The following MAP2K5 variants were observed in gnomAD, a reference collection of about 807,000 sequenced individuals.
The protein encoded by MAP2K5 is mitogen-activated protein kinase kinase 5.
A neutral mutation model predicts 83.1 loss-of-function variants in MAP2K5; 49 were observed. The ratio of observed to expected loss-of-function variants is 0.59; its 90% confidence interval spans 0.47 to 0.75. The LOEUF is 0.75. Ranked by LOEUF, MAP2K5 falls within the 30% of genes least tolerant of loss-of-function variation. The pLI, the probability that MAP2K5 is intolerant of heterozygous loss-of-function variation, is 0.00. For synonymous variants in MAP2K5, 202 were observed against 191.8 expected (o/e 1.05, Z -0.44); for missense variants, 457 against 557.5 (o/e 0.82, Z 1.82).
In MAP2K5 at chr15:67,638,714, C is replaced by T. The variant is rs554043441; in HGVS notation, c.586-7517C>T. Among the ~76,000 whole-genome samples the T allele has an allele frequency of 6.6e-6, 1 of 152,292 alleles. No homozygotes were observed. The highest frequency in any genetic ancestry group is 2.1e-4 in the South Asian group (1 of 4,824). On this transcript the variant is annotated intron_variant, in intron 9 of 21. Coordinates refer to ENST00000178640, the MANE Select transcript of MAP2K5 (RefSeq NM_145160.3). The surrounding 1 kb of genome is among the most constrained non-coding windows in gnomAD (Gnocchi z 4.5). Reference sequence around the variant, plus strand: ...ACAGTATATAAGCATTCCTTTTTCTCCACAACCTTGCCAGCATCTGTTATT... The same window carrying T: ...ACAGTATATAAGCATTCCTTTTTCTTCACAACCTTGCCAGCATCTGTTATT...
At chr15:67,671,115 G>A (rs2141166267) in intron 13 of MAP2K5, among the ~76,000 whole-genome samples, 1 of 152,306 alleles carries the variant, frequency 6.6e-6, no homozygotes, top group East Asian at 1.9e-4. Context: ...CTATGAAAGA[G>A]TAGCTGGATG....
At chr15:67,551,551 T>A (rs1242633901) in intron 2 of MAP2K5, among the ~76,000 whole-genome samples, 1 of 152,148 alleles carries the variant, frequency 6.6e-6, no homozygotes, top group Non-Finnish European at 1.5e-5. Flanking sequence ...CAGGCTAGTC[T>A]TGAACTCCTT....
chr15:67,747,232 G>C lies in MAP2K5; in HGVS notation c.1075-999G>C, dbSNP rs1368810951. Among the ~76,000 whole-genome samples the C allele has an allele frequency of 1.3e-5, 2 of 152,142 alleles. No homozygotes were observed. The highest frequency in any genetic ancestry group is 2.9e-5 in the Non-Finnish European group (2 of 68,018). ...ATCAAATGAGTTTGTATATGGGAAA[G>C]AATTTTTTAAAACACCTTTAAAAAC... On this transcript the variant is annotated intron_variant, in intron 17 of 21. Transcript: ENST00000178640. The surrounding 1 kb of genome is among the most constrained non-coding windows in gnomAD (Gnocchi z 4.1).
intron 17 of MAP2K5, among the ~76,000 whole-genome samples, chr15:67,731,119 G>A (rs1290862778): frequency 6.6e-6 from 1 of 152,206 alleles, no homozygotes; most frequent in Admixed American, 6.5e-5. Context: ...GGTTGTAAAA[G>A]GATGTTCTTA....
At chr15:67,602,096 G>A (rs762740172) in intron 8 of MAP2K5, among the ~76,000 whole-genome samples, 1 of 152,210 alleles carries the variant, frequency 6.6e-6, no homozygotes, top group Non-Finnish European at 1.5e-5. Flanking sequence ...TGTGTCTAAT[G>A]ATTTTTGCGG....
intron 21 of MAP2K5, among the ~76,000 whole-genome samples, chr15:67,800,820 C>A (rs972329254): frequency 1.4e-4 from 21 of 152,028 alleles, no homozygotes; most frequent in African/African-American, 5.1e-4. Flanking sequence ...TTCAAATGAC[C>A]AGTGCACCAC....
In MAP2K5 at chr15:67,588,219, C is replaced by G. The variant is rs562546412; in HGVS notation, c.431+1306C>G. 1.1e-5 allele frequency: 4 copies of G among 380,006 alleles called. No individual in the cohort carries two copies. In the South Asian group the frequency reaches 3.2e-4, roughly 31 times the overall value. 23.5% of individuals were successfully genotyped at this position (380,006 alleles called of 1,614,324 possible). A position where few individuals can be genotyped will look rare whatever the true frequency, so the allele number is the denominator to read the frequency against. On this transcript the variant is annotated intron_variant, in intron 6 of 21. Transcript: ENST00000178640. ...TCTGTACCCCATCCCACCTGACATT[C>G]CAGCTTTGCTGATGAACACATAGTG...
rs535235066 is a variant in MAP2K5, at chr15:67,724,890, G to A, written c.1045-3026G>A. On this transcript the variant is annotated intron_variant, in intron 16 of 21. Coordinates refer to ENST00000178640, the MANE Select transcript of MAP2K5 (RefSeq NM_145160.3). This position sits in a 1 kb window ranked among gnomAD's most constrained non-coding sequence, Gnocchi z 4.4. The stretch of plus-strand genomic sequence containing the variant: ...CCAGTGGTGACACTCTGTAAGAGAG[G>A]AAGTGATTGTCATCATGCTGCAATT... Among the ~76,000 whole-genome samples the A allele has an allele frequency of 5.3e-5, 8 of 152,350 alleles. No individual in the cohort carries two copies. In the East Asian group the frequency reaches 1.5e-3, roughly 29 times the overall value.
chr15:67,580,802 C>A lies in MAP2K5; in HGVS notation c.301C>A (p.Pro101Thr). The A allele has an allele frequency of 6.2e-7, 1 of 1,607,554 alleles. No individual in the cohort carries two copies. The highest frequency in any genetic ancestry group is 8.5e-7 in the Non-Finnish European group (1 of 1,175,282). The change falls in exon 4 of 22, where the codon CCT becomes ACT. Residue 101 changes from proline (P) to threonine (T), a missense_variant. Pro to Thr is a conservative substitution (Grantham distance 38). Transcript: ENST00000178640. The part of the protein sequence containing the change: ...EQQVNGQLIE[P>T]LQIFPRACKP... ...GCAAGTAAATGGACAGTTAATAGAG[C>A]CTCTGCAGATATTTCCAAGAGGTAA...
At position 67,720,373 on chromosome 15, in the gene MAP2K5, C is replaced by T. The variant is rs556839738; in HGVS notation, c.1045-7543C>T. 2.0e-5 allele frequency among the ~76,000 whole-genome samples: 3 copies of T among 151,830 alleles called. No individual in the cohort carries two copies. In the East Asian group the frequency reaches 5.8e-4, roughly 29 times the overall value. On this transcript the variant is annotated intron_variant, in intron 16 of 21. Coordinates refer to ENST00000178640, the MANE Select transcript of MAP2K5 (RefSeq NM_145160.3). This position sits in a 1 kb window ranked among gnomAD's most constrained non-coding sequence, Gnocchi z 5.7. ...CTATATATATACACACTTACACACA[C>T]ACAAGGAAAAAAAGAAAATGATGTA...
rs895893360 is a variant in MAP2K5 at position 67,806,991 on chromosome 15, G to A, written c.*241G>A. 2.0e-6 allele frequency: 3 copies of A among 1,482,630 alleles called. No individual in the cohort carries two copies. In the Admixed American group the frequency reaches 6.7e-5, roughly 33 times the overall value. The allele number at this position is 1,482,630 out of a possible 1,614,324, so 91.8% of individuals were successfully genotyped here. ...TGACACTGGCAGAGAGGTAAAGGGT[G>A]GGGCATTGAGAATGGAGGCTCCCAG... On this transcript the variant is annotated 3_prime_UTR_variant, in exon 22 of 22. Transcript: ENST00000178640.
At chr15:67,554,578 G>A (rs903155154) in intron 2 of MAP2K5, among the ~76,000 whole-genome samples, 8 of 152,160 alleles carry the variant, frequency 5.3e-5, no homozygotes, top group African/African-American at 1.9e-4. Context: ...GAGAAATGGC[G>A]TCTCTTCAAT....
intron 8 of MAP2K5, among the ~76,000 whole-genome samples, chr15:67,610,380 G>T (rs1207065738): frequency 6.6e-6 from 1 of 152,110 alleles, no homozygotes; most frequent in Non-Finnish European, 1.5e-5. Context: ...TAAATGTATG[G>T]TTGTGCTAGC....
chr15:67,794,391 G>A lies in MAP2K5; in HGVS notation c.1243-12255G>A, dbSNP rs1311402389. ...AACAATCAGAATTTTCGAAGAGTTT[G>A]CTTCCTTTTTGTGCATTTCCTTTTT... On this transcript the variant is annotated intron_variant, in intron 21 of 21. Coordinates refer to ENST00000178640, the MANE Select transcript of MAP2K5 (RefSeq NM_145160.3). This position sits in a 1 kb window ranked among gnomAD's most constrained non-coding sequence, Gnocchi z 4.6. Among the ~76,000 whole-genome samples the A allele has an allele frequency of 6.6e-6, 1 of 152,092 alleles. No individual in the cohort carries two copies. The highest frequency in any genetic ancestry group is 1.5e-5 in the Non-Finnish European group (1 of 68,020).
intron 14 of MAP2K5, among the ~76,000 whole-genome samples, chr15:67,693,119 C>G (rs1049036020): frequency 6.6e-6 from 1 of 152,200 alleles, no homozygotes; most frequent in African/African-American, 2.4e-5. Context: ...TGTTATCCCT[C>G]CAGCGTATTT....
At position 67,640,801 on chromosome 15, in the gene MAP2K5, A is replaced by G. The variant is rs1448655999; in HGVS notation, c.586-5430A>G. Among the ~76,000 whole-genome samples the G allele has an allele frequency of 6.6e-6, 1 of 152,246 alleles. No homozygotes were observed. The highest frequency in any genetic ancestry group is 6.5e-5 in the Admixed American group (1 of 15,290). ...TAGACTTCTGAGGTAGGAATATATT[A>G]CAAGATATTTTTAAAAGAAGTTGAA... On this transcript the variant is annotated intron_variant, in intron 9 of 21. Transcript: ENST00000178640. The surrounding 1 kb of genome is among the most constrained non-coding windows in gnomAD (Gnocchi z 4.6).
At chr15:67,767,471 C>CA (rs147617965) in intron 19 of MAP2K5, among the ~76,000 whole-genome samples, 8 of 151,996 alleles carry the variant, frequency 5.3e-5, no homozygotes, top group Non-Finnish European at 1.0e-4. Flanking sequence ...ACTACACCCT[C>CA]AAAAAAAATC....
intron 17 of MAP2K5, among the ~76,000 whole-genome samples, chr15:67,741,957 C>A (rs111636172): frequency 1.3e-5 from 2 of 151,160 alleles, no homozygotes; most frequent in Non-Finnish European, 1.5e-5. Context: ...TGCAGTGGCA[C>A]GATCTCAGCT....
At chr15:67,729,318 C>G (rs971829057) in intron 17 of MAP2K5, among the ~76,000 whole-genome samples, 1 of 152,172 alleles carries the variant, frequency 6.6e-6, no homozygotes, top group Non-Finnish European at 1.5e-5. Context: ...AGTGAACTCA[C>G]AAGCCCTATG....
Sources: allele counts gnomAD v4.1 joint callset (sites outside exome capture counted in the v4.1 genomes callset), GRCh38; gene constraint gnomAD v4.1.1; non-coding constraint Gnocchi (gnomAD v3.1); transcripts MANE v1.5; gene names NCBI Gene and HGNC (gene_info 2026-07-23, HGNC 2026-07-21).